The following TBK1 variants were observed in gnomAD, a reference collection of about 807,000 sequenced individuals.
TBK1 encodes the protein TANK binding kinase 1.
TBK1 carries 37 observed loss-of-function variants against 99.9 expected under a neutral mutation model. That is an observed-to-expected ratio of 0.37 (90% CI 0.28 to 0.49). The LOEUF (loss-of-function observed/expected upper bound fraction) is 0.49. Among genes scored for constraint, TBK1 ranks in the 20% least tolerant of loss-of-function variants. The pLI is 0.98. For missense variants in TBK1, 644 were observed against 872.5 expected, an observed-to-expected ratio of 0.74 and a Z score of 3.30; for synonymous variants, 258 against 279.8, an observed-to-expected ratio of 0.92 and a Z score of 0.78.
At position 64,497,637 on chromosome 12, in the gene TBK1, TGATG is replaced by T. The variant is rs755048521; in HGVS notation, c.1960-10_1960-7del. 1 of 1,488,774 alleles carries T rather than the reference TGATG, an allele frequency of 6.7e-7. No homozygotes were observed. The highest frequency in any genetic ancestry group is 9.1e-7 in the Non-Finnish European group (1 of 1,101,152). 92.2% of individuals were successfully genotyped at this position (1,488,774 alleles called of 1,614,324 possible). ...GGTTTTTTTCTTTTTTTTTTTTTTT[TGATG>T]TTTCAGTTACAAGAAACTCTGCCTC... On this transcript the variant is annotated splice_polypyrimidine_tract_variant and splice_region_variant and intron_variant, in intron 18 of 20. Coordinates refer to ENST00000331710, the MANE Select transcript of TBK1 (RefSeq NM_013254.4).
In TBK1 at chr12:64,497,647, G is replaced by A; in HGVS notation, c.1960-1G>A. The A allele has an allele frequency of 7.8e-7, 1 of 1,282,050 alleles. No homozygotes were observed. Among genetic ancestry groups the A allele is most frequent in the Non-Finnish European group, 1.1e-6 (1 of 934,680 alleles). 79.4% of individuals were successfully genotyped at this position (1,282,050 alleles called of 1,614,324 possible). On this transcript the variant is annotated splice_acceptor_variant, in intron 18 of 20. Coordinates refer to ENST00000331710, the MANE Select transcript of TBK1 (RefSeq NM_013254.4). LOFTEE classifies it high-confidence loss of function. ...TTTTTTTTTTTTTTTTGATGTTTCAGTTACAAGAAACTCTGCCTCAGAAAA... is the reference window on the plus strand; with the variant it reads ...TTTTTTTTTTTTTTTTGATGTTTCAATTACAAGAAACTCTGCCTCAGAAAA...
intron 5 of TBK1, among the ~76,000 whole-genome samples, chr12:64,470,147 G>A (rs963711411): frequency 6.6e-6 from 1 of 152,040 alleles, no homozygotes; most frequent in East Asian, 1.9e-4. Flanking sequence ...GTGATCAGGG[G>A]GCTAGCCAGA....
At chr12:64,455,752 TCTTA>T in intron 1 of TBK1, 84 bp from the exon 2 acceptor site, 4 of 657,732 alleles carry the variant, frequency 6.1e-6, no homozygotes, top group Non-Finnish European at 8.1e-6. Flanking sequence ...TAATGGGTGA[TCTTA>T]CTTGAGACTA....
chr12:64,489,573 G>GT (rs201362644), intron 12 of TBK1, among the ~76,000 whole-genome samples: 1,974 of 139,454 alleles, frequency 0.014, 28 homozygotes, highest in African/African-American at 0.033. Flanking sequence ...TGTTTTTTTG[G>GT]TTTTTTTTTT....
chr12:64,459,860 AT>A (rs1160092964), intron 2 of TBK1, among the ~76,000 whole-genome samples: 1 of 152,078 alleles, frequency 6.6e-6, no homozygotes, highest in African/African-American at 2.4e-5. Flanking sequence ...TTAAAAGATG[AT>A]TTTGCTTTTG....
chr12:64,453,291 TTTC>T (rs2040447890), intron 1 of TBK1, among the ~76,000 whole-genome samples: 1 of 152,194 alleles, frequency 6.6e-6, no homozygotes, highest in Non-Finnish European at 1.5e-5. Context: ...GATAAATATT[TTTC>T]TTATTATCCT....
In TBK1 at chr12:64,464,105, G is replaced by A. The variant is rs11175403; in HGVS notation, c.229-229G>A. On this transcript the variant is annotated intron_variant, in intron 3 of 20. Coordinates refer to ENST00000331710, the MANE Select transcript of TBK1 (RefSeq NM_013254.4). Reference sequence around the variant, plus strand: ...TCTCAATCTCTTGACCTCGTGATCCGCCCACCTCAGCCTCCCAAAGTGCTG... The same window carrying A: ...TCTCAATCTCTTGACCTCGTGATCCACCCACCTCAGCCTCCCAAAGTGCTG... Among the ~76,000 whole-genome samples the A allele has an allele frequency of 0.013, 1,923 of 152,048 alleles. 44 individuals are homozygous for A. Among genetic ancestry groups the A allele is most frequent in the African/African-American group, 0.043 (1,765 of 41,476 alleles).
At chr12:64,467,746 T>A (rs1010412249) in intron 5 of TBK1, among the ~76,000 whole-genome samples, 1 of 152,224 alleles carries the variant, frequency 6.6e-6, no homozygotes, top group African/African-American at 2.4e-5. Flanking sequence ...ATTGTGCTGT[T>A]GTAATTTTAT....
intron 8 of TBK1, among the ~76,000 whole-genome samples, chr12:64,482,918 G>A (rs943308837): frequency 1.3e-5 from 2 of 152,234 alleles, no homozygotes; most frequent in African/African-American, 4.8e-5. Flanking sequence ...TAAAACTGGG[G>A]AAATTTGAGT....
intron 7 of TBK1, 105 bp downstream of exon 7, chr12:64,480,227 T>G: frequency 1.4e-6 from 1 of 702,702 alleles, no homozygotes; most frequent in Non-Finnish European, 2.3e-6. Context: ...TTGATTTTAT[T>G]TTAATTAGAT....
chr12:64,477,520 T>C (rs1034726041), intron 6 of TBK1, among the ~76,000 whole-genome samples: 1 of 152,262 alleles, frequency 6.6e-6, no homozygotes, highest in East Asian at 1.9e-4. Context: ...GAGATTTGGC[T>C]GAAATTATTT....
intron 4 of TBK1, among the ~76,000 whole-genome samples, chr12:64,466,052 C>CT (rs2040600281): frequency 6.6e-6 from 1 of 152,094 alleles, no homozygotes; most frequent in Non-Finnish European, 1.5e-5. Flanking sequence ...AATTCTTGAA[C>CT]TTGTCACTGG....
intron 6 of TBK1, among the ~76,000 whole-genome samples, chr12:64,476,836 T>G (rs1361523176): frequency 6.6e-6 from 1 of 152,236 alleles, no homozygotes; most frequent in Non-Finnish European, 1.5e-5. Flanking sequence ...CATCTTGAGT[T>G]AATTTTTGTA....
At chr12:64,470,786 G>A (rs2040654470) in intron 5 of TBK1, among the ~76,000 whole-genome samples, 2 of 152,100 alleles carry the variant, frequency 1.3e-5, no homozygotes, top group Admixed American at 1.3e-4. Context: ...CAGCAGTCCT[G>A]TACCAGCCTT....
At chr12:64,456,020 G>A in intron 2 of TBK1, 63 bp downstream of exon 2, 2 of 1,153,814 alleles carry the variant, frequency 1.7e-6, no homozygotes, top group East Asian at 4.8e-5. Flanking sequence ...TAAGATGCAT[G>A]TTGACACTAA....
chr12:64,501,246 C>T (rs1450071482), intron 20 of TBK1, 84 bp from the exon 21 acceptor site: 1 of 1,308,158 alleles, frequency 7.6e-7, no homozygotes, highest in Non-Finnish European at 1.1e-6. Flanking sequence ...ATTTATTCCT[C>T]TGAAAAGTAT....
chr12:64,493,818 A>G (rs2040897756), intron 13 of TBK1, among the ~76,000 whole-genome samples: 1 of 152,072 alleles, frequency 6.6e-6, no homozygotes, highest in Non-Finnish European at 1.5e-5. Context: ...CTGGGTAATC[A>G]CTGTTTTCAT....
At chr12:64,457,576 T>A (rs1159861220) in intron 2 of TBK1, among the ~76,000 whole-genome samples, 1 of 152,228 alleles carries the variant, frequency 6.6e-6, no homozygotes, top group Non-Finnish European at 1.5e-5. Context: ...TTAGCTATAC[T>A]GCACATTAAC....
intron 20 of TBK1, among the ~76,000 whole-genome samples, chr12:64,499,888 A>G (rs1029088507): frequency 5.9e-5 from 9 of 151,624 alleles, no homozygotes; most frequent in Admixed American, 5.3e-4. Context: ...AGTGGAGACA[A>G]GGTTTCACCA....
Sources: gnomAD v4.1 joint callset for allele counts (sites outside exome capture counted in the v4.1 genomes callset) on GRCh38, gnomAD v4.1.1 for gene constraint, MANE v1.5 for transcripts, NCBI Gene and HGNC (gene_info 2026-07-23, HGNC 2026-07-21) for gene names.